Variants in GPHN observed in about 807,000 individuals in gnomAD.
GPHN encodes the protein gephyrin.
A neutral mutation model predicts 95.5 loss-of-function variants in GPHN; 17 were observed. That is an observed-to-expected ratio of 0.18 (90% CI 0.12 to 0.27). The LOEUF (loss-of-function observed/expected upper bound fraction) is 0.27, where lower values mean the gene tolerates loss of function less well. GPHN is among the 10% of genes least tolerant of loss of function. The pLI, the probability that GPHN is intolerant of heterozygous loss-of-function variation, is 1.00. For missense variants in GPHN, 660 were observed against 978.1 expected (o/e 0.67, Z 4.34); for synonymous variants, 320 against 322.5 (o/e 0.99, Z 0.08).
chr14:66,737,571 T>G (rs1250785781), intron 2 of GPHN, among the ~76,000 whole-genome samples: 1 of 152,242 alleles, frequency 6.6e-6, no homozygotes, highest in Non-Finnish European at 1.5e-5. Context: ...CTGAATTTTA[T>G]GTGATATGAC....
intron 4 of GPHN, among the ~76,000 whole-genome samples, chr14:66,853,584 C>A (rs1449364538): frequency 1.3e-5 from 2 of 152,132 alleles, no homozygotes; most frequent in Non-Finnish European, 2.9e-5. Context: ...ATTTATAAAA[C>A]CATCAGATCT....
chr14:67,577,183 C>A, the GPHN span: 1 of 703,942 alleles, frequency 1.4e-6, no homozygotes, highest in Non-Finnish European at 2.5e-6. Flanking sequence ...CAGCACAACC[C>A]AAGTGTTGAC....
chr14:66,636,176 C>CA (rs1175578941), intron 1 of GPHN, among the ~76,000 whole-genome samples: 1 of 151,984 alleles, frequency 6.6e-6, no homozygotes, highest in Non-Finnish European at 1.5e-5. Flanking sequence ...ATATTAAGTA[C>CA]AATATTGGGA....
chr14:66,911,406 G>A (rs2065667937), intron 5 of GPHN, among the ~76,000 whole-genome samples: 2 of 151,948 alleles, frequency 1.3e-5, no homozygotes, highest in Admixed American at 6.6e-5. Flanking sequence ...TCCTTTAAAT[G>A]GGTAAGTTGT....
intron 3 of GPHN, among the ~76,000 whole-genome samples, chr14:66,783,279 G>T (rs376839840): frequency 6.6e-6 from 1 of 152,300 alleles, no homozygotes; most frequent in African/African-American, 2.4e-5. Flanking sequence ...CTCACCTGGT[G>T]GTGGCAGCAG....
At chr14:66,846,153 TA>T (rs1451920801) in intron 4 of GPHN, among the ~76,000 whole-genome samples, 3 of 152,272 alleles carry the variant, frequency 2.0e-5, no homozygotes, top group East Asian at 1.9e-4. Flanking sequence ...TCAACAATTT[TA>T]GGGGGGGTGA....
chr14:66,873,601 C>A (rs531229545), intron 4 of GPHN, among the ~76,000 whole-genome samples: 1 of 152,134 alleles, frequency 6.6e-6, no homozygotes, highest in East Asian at 1.9e-4. Context: ...CCATTACTGA[C>A]GCTTGAGTGG....
the GPHN span, among the ~76,000 whole-genome samples, chr14:67,567,857 A>T: frequency 3.9e-5 from 6 of 151,918 alleles, no homozygotes; most frequent in African/African-American, 1.5e-4. Context: ...AGCCTTGGTG[A>T]CTCACGTCAC....
In GPHN at chr14:66,922,175, C is replaced by T. The variant is rs897060780; in HGVS notation, c.457-491C>T. Among the ~76,000 whole-genome samples the T allele has an allele frequency of 3.3e-5, 5 of 151,712 alleles. No homozygotes were observed. In the South Asian group the frequency reaches 6.2e-4, roughly 19 times the overall value. On this transcript the variant is annotated intron_variant, in intron 6 of 22. Transcript: ENST00000478722. Reference sequence around the variant, plus strand: ...GACAAGGATTTCATGACCAAAAACCCGAAAGCAATTGCAATAAAAACAAAG... The same window carrying T: ...GACAAGGATTTCATGACCAAAAACCTGAAAGCAATTGCAATAAAAACAAAG...
the GPHN span, chr14:67,578,220 G>A: frequency 6.2e-7 from 1 of 1,607,978 alleles, no homozygotes; most frequent in Non-Finnish European, 8.5e-7. The surrounding 1 kb of genome is among the most constrained non-coding windows in gnomAD (Gnocchi z 5.0). Flanking sequence ...CAGGGGTGGA[G>A]CAGCTGACAG....
chr14:67,014,217 C>T (rs944778431), intron 9 of GPHN, among the ~76,000 whole-genome samples: 1 of 152,102 alleles, frequency 6.6e-6, no homozygotes, highest in Non-Finnish European at 1.5e-5. Context: ...CTCTGAGCTA[C>T]TCTCTAAGCA....
the GPHN span, among the ~76,000 whole-genome samples, chr14:67,460,044 A>G: frequency 5.3e-5 from 8 of 152,238 alleles, no homozygotes; most frequent in Non-Finnish European, 1.2e-4. Context: ...TAATACAGAG[A>G]AATGTGTATC....
the GPHN span, among the ~76,000 whole-genome samples, chr14:67,439,756 C>G: frequency 2.6e-5 from 4 of 152,012 alleles, no homozygotes; most frequent in Non-Finnish European, 1.5e-5. Flanking sequence ...CAAATTTGTT[C>G]CATTTTGAGA....
At chr14:67,263,232 T>C in the GPHN span, among the ~76,000 whole-genome samples, 10 of 152,296 alleles carry the variant, frequency 6.6e-5, no homozygotes, top group East Asian at 1.7e-3. Flanking sequence ...GACCCTAATT[T>C]GTCTAATTGA....
intron 11 of GPHN, among the ~76,000 whole-genome samples, chr14:67,084,113 A>G (rs781534123): frequency 4.6e-5 from 7 of 152,218 alleles, no homozygotes; most frequent in Non-Finnish European, 8.8e-5. Context: ...ACAATTTCAC[A>G]AACAGCCACA....
intron 4 of GPHN, among the ~76,000 whole-genome samples, chr14:66,852,429 G>A (rs920129457): frequency 3.9e-5 from 6 of 152,202 alleles, no homozygotes; most frequent in Non-Finnish European, 8.8e-5. Context: ...ACACATTCAC[G>A]CGCTAAATGC....
chr14:66,838,413 A>G (rs2061945046), intron 4 of GPHN, among the ~76,000 whole-genome samples: 1 of 152,156 alleles, frequency 6.6e-6, no homozygotes, highest in South Asian at 2.1e-4. Flanking sequence ...TAAAGTACAC[A>G]ATAGTATAGT....
At chr14:67,637,938 G>A in the GPHN span, among the ~76,000 whole-genome samples, 1 of 152,228 alleles carries the variant, frequency 6.6e-6, no homozygotes, top group Non-Finnish European at 1.5e-5. Flanking sequence ...TCAGGCCAGA[G>A]TCTTGAAAAG....
chr14:67,351,844 AG>A, the GPHN span, among the ~76,000 whole-genome samples: 1 of 151,966 alleles, frequency 6.6e-6, no homozygotes, highest in Non-Finnish European at 1.5e-5. Context: ...TTAAGTTAAA[AG>A]AAAAGGCGTG....
Sources: gnomAD v4.1 joint callset for allele counts (sites outside exome capture counted in the v4.1 genomes callset) on GRCh38, gnomAD v4.1.1 for gene constraint, Gnocchi (gnomAD v3.1) non-coding constraint, MANE v1.5 for transcripts, NCBI Gene and HGNC (gene_info 2026-07-23, HGNC 2026-07-21) for gene names.